Variants in STAT3 observed in about 807,000 individuals in gnomAD.
STAT3 encodes the protein signal transducer and activator of transcription 3, also known as DNA-binding protein APRF.
In STAT3, 7 loss-of-function variants were observed where a neutral mutation model predicts 114.3. That is an observed-to-expected ratio of 0.06 (90% CI 0.03 to 0.11). The LOEUF (loss-of-function observed/expected upper bound fraction) is 0.11. Ranked by LOEUF, STAT3 falls within the 10% of genes least tolerant of loss-of-function variation. The pLI, the probability that STAT3 is intolerant of heterozygous loss-of-function variation, is 1.00. For synonymous variants in STAT3, 331 were observed against 354.5 expected (o/e 0.93, Z 0.74); for missense variants, 364 against 960.9 (o/e 0.38, Z 8.21).
chr17:42,345,875 CTT>C (rs370434509), intron 3 of STAT3, among the ~76,000 whole-genome samples: 18 of 132,902 alleles, frequency 1.4e-4, no homozygotes, highest in Admixed American at 2.3e-4. Context: ...TAGCCTGAGT[CTT>C]TTTTTTTTTT....
chr17:42,344,443 G>A (rs547160368), intron 4 of STAT3, among the ~76,000 whole-genome samples: 9 of 149,014 alleles, frequency 6.0e-5, no homozygotes, highest in African/African-American at 1.0e-4. Flanking sequence ...AAGGCTGGGC[G>A]TGGTGGCTCA....
At chr17:42,330,834 T>TA (rs566998010) in intron 11 of STAT3, among the ~76,000 whole-genome samples, 270 of 151,910 alleles carry the variant, frequency 1.8e-3, no homozygotes, top group Non-Finnish European at 2.6e-3. Context: ...GTGGAACAAT[T>TA]AAAAAAAAGA....
intron 4 of STAT3, among the ~76,000 whole-genome samples, chr17:42,344,850 G>C (rs1242577533): frequency 6.6e-6 from 1 of 151,790 alleles, no homozygotes; most frequent in Non-Finnish European, 1.5e-5. Flanking sequence ...ACTACACCTG[G>C]CTGTTTTTTA....
intron 1 of STAT3, among the ~76,000 whole-genome samples, chr17:42,369,927 G>A (rs773434146): frequency 1.1e-4 from 17 of 151,962 alleles, no homozygotes; most frequent in Non-Finnish European, 2.2e-4. Flanking sequence ...CCAAAACATT[G>A]GGATTATACA....
intron 23 of STAT3, chr17:42,316,069 C>A: frequency 7.2e-7 from 1 of 1,391,358 alleles, no homozygotes; most frequent in Non-Finnish European, 9.3e-7. Flanking sequence ...ATCTTCTGCC[C>A]TTGATCTACT....
chr17:42,377,142 C>T (rs531267211), intron 1 of STAT3, among the ~76,000 whole-genome samples: 13 of 152,350 alleles, frequency 8.5e-5, no homozygotes, highest in African/African-American at 3.1e-4. Context: ...TGAGACACAG[C>T]CAACGCTAAT....
chr17:42,376,381 T>C (rs773682288), intron 1 of STAT3, among the ~76,000 whole-genome samples: 10 of 151,894 alleles, frequency 6.6e-5, no homozygotes, highest in Non-Finnish European at 1.3e-4. Context: ...ACCCCATCTC[T>C]ACTAAAATTA....
intron 1 of STAT3, among the ~76,000 whole-genome samples, chr17:42,370,805 C>T (rs1050948307): frequency 3.4e-5 from 5 of 148,662 alleles, no homozygotes; most frequent in African/African-American, 1.0e-4. Flanking sequence ...TGGGGTTTCA[C>T]TACGTATTGG....
At position 42,316,846 on chromosome 17, in the gene STAT3, A is replaced by G. The variant is rs746221967; in HGVS notation, c.2200T>C (p.Leu734=). ...TCACCATTATTTCCAAACTGCATCA[A>G]TGAATCTAAAGTGCGGGGGGACATC... The part of the protein sequence containing the change: ...LPMSPRTLDS[L]MQFGNNGEGA... Residue 734 remains leucine, a synonymous_variant, in exon 23 of 24, where the codon TTG becomes CTG. Transcript: ENST00000264657. The G allele has an allele frequency of 1.2e-6, 2 of 1,613,150 alleles. No individual in the cohort carries two copies. The highest frequency in any genetic ancestry group is 2.7e-5 in the African/African-American group (2 of 74,650).
At chr17:42,357,171 G>C (rs1263970002) in intron 1 of STAT3, among the ~76,000 whole-genome samples, 2 of 152,134 alleles carry the variant, frequency 1.3e-5, no homozygotes, top group East Asian at 3.8e-4. Context: ...TAATCCCACT[G>C]AGGGCCACAT....
At chr17:42,352,112 G>A (rs187868045) in intron 1 of STAT3, among the ~76,000 whole-genome samples, 17 of 152,134 alleles carry the variant, frequency 1.1e-4, no homozygotes, top group Non-Finnish European at 1.6e-4. Flanking sequence ...AGGCCGAGGC[G>A]GGTGGATCAC....
rs748564923 is a variant in STAT3 at position 42,326,120 on chromosome 17, A to G, written c.1361T>C (p.Leu454Pro). 93 of 1,613,860 alleles carry G rather than the reference A, an allele frequency of 5.8e-5. No individual in the cohort carries two copies. Among genetic ancestry groups the G allele is most frequent in the South Asian group, 1.4e-4 (13 of 91,088 alleles). ...CGATTCTGCTGCAGAACTTACCTCT[A>G]GGTCAATCTTGAGGCCTTGGTGATA... ...EVYHQGLKID[L>P]ETHSLPVVVI... is the part of the protein sequence containing the mutation. Residue 454 changes from leucine (L) to proline (P), a missense_variant, in exon 15 of 24, where the codon CTA (leucine) becomes CCA (proline). Physicochemically the swap from Leu to Pro is moderately conservative, Grantham distance 98 (BLOSUM62 -3). Around this residue, in one of 5 missense-constraint regions of STAT3, gnomAD observed 294 missense variants for 745.1 expected, o/e 0.39. Transcript: ENST00000264657.
chr17:42,366,693 A>AAAT (rs1491407253), intron 1 of STAT3, among the ~76,000 whole-genome samples: 19 of 140,464 alleles, frequency 1.4e-4, no homozygotes, highest in Non-Finnish European at 4.7e-5. Flanking sequence ...AAAAAAAAAA[A>AAAT]AGGAAGGTGA....
intron 1 of STAT3, among the ~76,000 whole-genome samples, chr17:42,381,892 G>C (rs1182471384): frequency 6.6e-6 from 1 of 151,894 alleles, no homozygotes; most frequent in South Asian, 2.1e-4. Context: ...ATAATAGCAT[G>C]TTATTACTTT....
In STAT3 at chr17:42,316,844, C is replaced by T. The variant is rs781470131; in HGVS notation, c.2202G>A (p.Leu734=). 1.2e-6 allele frequency: 2 copies of T among 1,613,126 alleles called. No homozygotes were observed. Among genetic ancestry groups the T allele is most frequent in the South Asian group, 2.2e-5 (2 of 91,036 alleles). ...CTTCACCATTATTTCCAAACTGCAT[C>T]AATGAATCTAAAGTGCGGGGGGACA... ...LPMSPRTLDS[L]MQFGNNGEGA... is the part of the protein sequence containing the mutation. The change falls in exon 23 of 24, where the codon TTG becomes TTA. Residue 734 remains leucine, a synonymous_variant. Coordinates refer to ENST00000264657, the MANE Select transcript of STAT3 (RefSeq NM_139276.3).
intron 1 of STAT3, among the ~76,000 whole-genome samples, chr17:42,349,218 C>T (rs909867818): frequency 6.6e-6 from 1 of 152,166 alleles, no homozygotes; most frequent in African/African-American, 2.4e-5. Context: ...GTTCTAGAAT[C>T]CATTATCTAC....
intron 1 of STAT3, among the ~76,000 whole-genome samples, chr17:42,362,511 G>T (rs1183966892): frequency 6.6e-6 from 1 of 152,186 alleles, no homozygotes; most frequent in East Asian, 1.9e-4. Context: ...CCCTCCTGAT[G>T]ACTGCTCTGT....
intron 1 of STAT3, among the ~76,000 whole-genome samples, chr17:42,365,639 G>GTTTTTTT (rs11440924): frequency 1.4e-5 from 2 of 139,052 alleles, no homozygotes; most frequent in African/African-American, 5.3e-5. Flanking sequence ...TGCTGTTAAA[G>GTTTTTTT]TTTTTTTTTT....
chr17:42,321,311 G>C (rs559536526), intron 21 of STAT3, among the ~76,000 whole-genome samples: 1 of 151,472 alleles, frequency 6.6e-6, no homozygotes, highest in South Asian at 2.1e-4. Context: ...TTTTTGTATA[G>C]ATAGGGTCTC....
Sources: gnomAD v4.1 joint callset for allele counts (sites outside exome capture counted in the v4.1 genomes callset) on GRCh38, gnomAD v4.1.1 for gene constraint, gnomAD v4.1.1 regional missense constraint, MANE v1.5 for transcripts, NCBI Gene and HGNC (gene_info 2026-07-23, HGNC 2026-07-21) for gene names.